KIAA0825: variants seen among roughly 807,000 people sequenced by gnomAD.
The protein encoded by KIAA0825 is uncharacterized protein KIAA0825.
KIAA0825 carries 119 observed loss-of-function variants against 147.6 expected under a neutral mutation model. The ratio of observed to expected loss-of-function variants is 0.81; its 90% CI spans 0.69 to 0.94. KIAA0825 has a LOEUF of 0.94. Among genes scored for constraint, KIAA0825 ranks in the 40% least tolerant of loss-of-function variants. The pLI is 0.00. For missense variants in KIAA0825, 1,381 were observed against 1,472.7 expected (o/e 0.94, Z 1.02); for synonymous variants, 470 against 518.1 (o/e 0.91, Z 1.26).
intron 5 of KIAA0825, 36 bp from the exon 6 acceptor site, chr5:94,484,966 T>G (rs1762879338): frequency 7.5e-7 from 1 of 1,333,152 alleles, no homozygotes; most frequent in South Asian, 1.8e-5. Context: ...TCATACATTT[T>G]ATTTACCTTC....
At chr5:94,329,566 G>A (rs1472586167) in intron 20 of KIAA0825, among the ~76,000 whole-genome samples, 1 of 152,076 alleles carries the variant, frequency 6.6e-6, no homozygotes, top group Non-Finnish European at 1.5e-5. Flanking sequence ...GGAGAAAATG[G>A]AGTAAGTCTA....
rs947707682 is a variant in KIAA0825 at position 94,462,450 on chromosome 5, G to A, written c.2183C>T (p.Thr728Ile). The A allele has an allele frequency of 3.3e-6, 5 of 1,512,908 alleles. No individual in the cohort carries two copies. In the African/African-American group the frequency reaches 6.9e-5, roughly 21 times the overall value. The allele number at this position is 1,512,908 out of a possible 1,614,324, so 93.7% of individuals were successfully genotyped here. A position where few individuals can be genotyped will look rare whatever the true frequency, so the allele number is the denominator to read the frequency against. Reference sequence around the variant, plus strand: ...TGTTGTAAACAGATTATTACAATGAGTGTGAATTTTAAAAATTTTATCATC... The same window carrying A: ...TGTTGTAAACAGATTATTACAATGAATGTGAATTTTAAAAATTTTATCATC... ...HTDDKIFKIH[T>I]HCNNLFTTLV... Residue 728 changes from threonine to isoleucine, a missense_variant, in exon 12 of 21, where the codon ACT becomes ATT. Physicochemically the swap from Thr to Ile is moderately conservative, Grantham distance 89. Transcript: ENST00000682413.
intron 2 of KIAA0825, among the ~76,000 whole-genome samples, chr5:94,552,781 C>T (rs1775782582): frequency 6.6e-6 from 1 of 152,128 alleles, no homozygotes; most frequent in Non-Finnish European, 1.5e-5. Context: ...AAGTTAAACA[C>T]CGCATGCTAA....
At chr5:94,155,357 A>G (rs1445722375) in intron 20 of KIAA0825, among the ~76,000 whole-genome samples, 3 of 151,458 alleles carry the variant, frequency 2.0e-5, no homozygotes, top group Non-Finnish European at 4.4e-5. Context: ...AGCTGGGGCT[A>G]TAGGTGCACA....
intron 20 of KIAA0825, among the ~76,000 whole-genome samples, chr5:94,168,053 A>G (rs1009616657): frequency 6.7e-6 from 1 of 149,954 alleles, no homozygotes; most frequent in African/African-American, 2.4e-5. Flanking sequence ...ATAGAAATAC[A>G]TAGAAATAAA....
chr5:94,266,777 G>C (rs1776755507), intron 20 of KIAA0825, among the ~76,000 whole-genome samples: 1 of 151,802 alleles, frequency 6.6e-6, no homozygotes, highest in Admixed American at 6.6e-5. Context: ...ATATGTAATT[G>C]GTTTATTGTT....
chr5:94,329,246 G>C lies in KIAA0825; in HGVS notation c.3710+55122C>G, dbSNP rs1781021282. Among the ~76,000 whole-genome samples, 4 of 152,016 alleles carry C rather than the reference G, an allele frequency of 2.6e-5. No individual in the cohort carries two copies. The South Asian group carries it at 8.3e-4, about 31-fold the overall frequency. On this transcript the variant is annotated intron_variant, in intron 20 of 20. Transcript: ENST00000682413. ...AGATAAAAGATATAAGATATGGAAAGCACTGAAAGCGATCCAACATAAGCA... is the reference window on the plus strand; with the variant it reads ...AGATAAAAGATATAAGATATGGAAACCACTGAAAGCGATCCAACATAAGCA...
rs112296095 is a variant in KIAA0825 at position 94,477,517 on chromosome 5, T to G, written c.1133-312A>C. ...ACGTATAATCTTCAAAATAAAGATT[T>G]TTGTCATTAGTTTATTTTCAGGTTG... On this transcript the variant is annotated intron_variant, in intron 6 of 20. Coordinates refer to ENST00000682413, the MANE Select transcript of KIAA0825 (RefSeq NM_001145678.3). Among the ~76,000 whole-genome samples, 1,490 of 152,150 alleles carry G rather than the reference T, an allele frequency of 9.8e-3. 15 individuals are homozygous for G. Among genetic ancestry groups the G allele is most frequent in the Middle Eastern group, 0.037 (11 of 294 alleles).
At chr5:94,329,535 G>T (rs1046885783) in intron 20 of KIAA0825, among the ~76,000 whole-genome samples, 17 of 152,096 alleles carry the variant, frequency 1.1e-4, no homozygotes, top group Non-Finnish European at 7.4e-5. Flanking sequence ...AGTATATTTT[G>T]AAATGTAGAG....
At chr5:94,487,503 A>G (rs1286809367) in intron 5 of KIAA0825, among the ~76,000 whole-genome samples, 2 of 152,190 alleles carry the variant, frequency 1.3e-5, no homozygotes, top group Non-Finnish European at 2.9e-5. Flanking sequence ...ACCTCACAGT[A>G]TCTCATAGGA....
At chr5:94,592,819 CTA>C in intron 1 of KIAA0825, 1 of 481,522 alleles carries the variant, frequency 2.1e-6, no homozygotes, top group Non-Finnish European at 3.9e-6. Context: ...TATGCTTCGG[CTA>C]AGAGCTATTT....
intron 1 of KIAA0825, among the ~76,000 whole-genome samples, chr5:94,595,758 C>G (rs990159608): frequency 6.6e-6 from 1 of 152,154 alleles, no homozygotes; most frequent in East Asian, 1.9e-4. Flanking sequence ...CTTTCTGTGA[C>G]TATATAAAAC....
chr5:94,449,319 G>A (rs1454932089), intron 13 of KIAA0825, among the ~76,000 whole-genome samples: 3 of 152,156 alleles, frequency 2.0e-5, no homozygotes, highest in Admixed American at 6.5e-5. Context: ...TTCTGAATGA[G>A]AGAGAGATAT....
chr5:94,251,504 C>T (rs1329560607), intron 20 of KIAA0825, among the ~76,000 whole-genome samples: 3 of 151,988 alleles, frequency 2.0e-5, no homozygotes, highest in African/African-American at 7.2e-5. Flanking sequence ...TCAAACCTCT[C>T]TAGACTTTTA....
At chr5:94,372,339 G>C (rs1331241602) in intron 20 of KIAA0825, among the ~76,000 whole-genome samples, 3 of 152,242 alleles carry the variant, frequency 2.0e-5, no homozygotes, top group Non-Finnish European at 4.4e-5. Flanking sequence ...TTTCCCTTCT[G>C]TACTGCCCTA....
At chr5:94,223,829 G>A (rs1473250747) in intron 20 of KIAA0825, among the ~76,000 whole-genome samples, 1 of 152,036 alleles carries the variant, frequency 6.6e-6, no homozygotes, top group Non-Finnish European at 1.5e-5. Context: ...GTTTTCTAAT[G>A]GAAGACATTT....
chr5:94,382,459 G>A (rs966431169), intron 20 of KIAA0825, among the ~76,000 whole-genome samples: 8 of 152,190 alleles, frequency 5.3e-5, no homozygotes, highest in South Asian at 2.1e-4. Flanking sequence ...ATCGGTGAGC[G>A]ATAGAAAAGC....
chr5:94,529,244 ACATATATATGTATATAT>A (rs1770068465), intron 3 of KIAA0825, among the ~76,000 whole-genome samples: 4 of 123,252 alleles, frequency 3.2e-5, no homozygotes, highest in African/African-American at 1.1e-4. Flanking sequence ...ATGTATATAT[ACATATATATGTATATAT>A]CATATATATG....
chr5:94,438,912 C>T lies in KIAA0825; in HGVS notation c.2497+1070G>A, dbSNP rs13183621. 3.6e-4 allele frequency among the ~76,000 whole-genome samples: 54 copies of T among 152,054 alleles called. 1 individual carries two copies. Among genetic ancestry groups the T allele is most frequent in the Admixed American group, 2.3e-3 (35 of 15,268 alleles). On this transcript the variant is annotated intron_variant, in intron 14 of 20. Coordinates refer to ENST00000682413, the MANE Select transcript of KIAA0825 (RefSeq NM_001145678.3). Reference sequence around the variant, plus strand: ...CTAAGGGCAAATAAAGTAGCCAAGACGAAAGTTCACTATGAAGTTCAGGGG... The same window carrying T: ...CTAAGGGCAAATAAAGTAGCCAAGATGAAAGTTCACTATGAAGTTCAGGGG...
Sources: allele counts gnomAD v4.1 joint callset (sites outside exome capture counted in the v4.1 genomes callset), GRCh38; gene constraint gnomAD v4.1.1; transcripts MANE v1.5; gene names NCBI Gene and HGNC (gene_info 2026-07-23, HGNC 2026-07-21).